The following HDAC4 variants were observed in gnomAD, a reference collection of about 807,000 sequenced individuals.
HDAC4 encodes the protein histone deacetylase A.
In HDAC4, 16 loss-of-function variants were observed where a neutral mutation model predicts 135.1. The observed-to-expected ratio is 0.12, with a 90% CI of 0.08 to 0.18. The LOEUF (loss-of-function observed/expected upper bound fraction) is 0.18. Among genes scored for constraint, HDAC4 ranks in the 10% least tolerant of loss-of-function variants. The pLI is 1.00. For synonymous variants in HDAC4, 685 were observed against 653.4 expected (o/e 1.05, Z -0.74); for missense variants, 1,143 against 1,511.8 (o/e 0.76, Z 4.05).
intron 2 of HDAC4, among the ~76,000 whole-genome samples, chr2:239,254,675 T>C (rs946230755): frequency 2.6e-5 from 4 of 152,202 alleles, no homozygotes; most frequent in African/African-American, 9.6e-5. Flanking sequence ...TGGTCCAACA[T>C]AGACCTAGTA....
intron 1 of HDAC4, among the ~76,000 whole-genome samples, chr2:239,381,928 G>GTC (rs920852144): frequency 8.5e-5 from 13 of 152,184 alleles, no homozygotes; most frequent in African/African-American, 3.1e-4. Context: ...CCAGTTCCAC[G>GTC]TCACACACAC....
In HDAC4 at chr2:239,068,371, A is replaced by G. The variant is rs2033796463; in HGVS notation, c.2869+118T>C. 15 of 755,880 alleles carry G rather than the reference A, an allele frequency of 2.0e-5. No individual in the cohort carries two copies. Among genetic ancestry groups the G allele is most frequent in the Middle Eastern group, 2.3e-4 (1 of 4,264 alleles). The allele number at this position is 755,880 out of a possible 1,614,324, so 46.8% of individuals were successfully genotyped here. On this transcript the variant is annotated intron_variant, in intron 23 of 26. Coordinates refer to ENST00000543185, the MANE Select transcript of HDAC4 (RefSeq NM_001378414.1). The surrounding 1 kb of genome is among the most constrained non-coding windows in gnomAD (Gnocchi z 4.4). The stretch of plus-strand genomic sequence containing the variant: ...TCCCAGTACGGTCAGAACCTTGGTC[A>G]TTAGTAAAAAGGTGCCCTTCCTTAT...
At chr2:239,054,376 C>T (rs12617720) in intron 25 of HDAC4, among the ~76,000 whole-genome samples, 21,933 of 152,042 alleles carry the variant, frequency 0.14, 1,744 homozygotes, top group Non-Finnish European at 0.18. Context: ...GAGGTCAGGA[C>T]GTGGGCTTCT....
intron 12 of HDAC4, among the ~76,000 whole-genome samples, chr2:239,118,716 C>G (rs961885442): frequency 6.6e-6 from 1 of 152,178 alleles, no homozygotes; most frequent in Admixed American, 6.5e-5. Context: ...GCTGTAAATA[C>G]ATGCGACTGT....
intron 6 of HDAC4, among the ~76,000 whole-genome samples, chr2:239,158,022 G>A (rs939933067): frequency 6.6e-6 from 1 of 152,212 alleles, no homozygotes; most frequent in African/African-American, 2.4e-5. Flanking sequence ...CTGTTTCCCG[G>A]GGAATTCCAC....
At position 239,121,571 on chromosome 2, in the gene HDAC4, C is replaced by T. The variant is rs556136817; in HGVS notation, c.1533+4885G>A. Among the ~76,000 whole-genome samples the T allele has an allele frequency of 5.3e-5, 8 of 152,348 alleles. No individual in the cohort carries two copies. In the South Asian group the frequency reaches 1.7e-3, roughly 32 times the overall value. ...GCATCTCTTTAGTGTCCTTTAGTGA[C>T]AACATTCCCAGGTCTTTTTCCTCCC... On this transcript the variant is annotated intron_variant, in intron 12 of 26. Transcript: ENST00000543185.
chr2:239,339,176 G>A (rs913607703), intron 2 of HDAC4, among the ~76,000 whole-genome samples: 6 of 152,270 alleles, frequency 3.9e-5, no homozygotes, highest in South Asian at 2.1e-4. Context: ...GGTGAAGGCC[G>A]GCTGCCCTGC....
chr2:239,232,082 C>T (rs990326739), intron 3 of HDAC4, among the ~76,000 whole-genome samples: 1 of 152,162 alleles, frequency 6.6e-6, no homozygotes, highest in African/African-American at 2.4e-5. Context: ...TCTCCTCAAT[C>T]GAGGCTGCTG....
intron 6 of HDAC4, among the ~76,000 whole-genome samples, chr2:239,157,095 G>A (rs890561266): frequency 1.3e-5 from 2 of 152,208 alleles, no homozygotes; most frequent in South Asian, 2.1e-4. Flanking sequence ...CAGTCAGTTC[G>A]CTACCAGGGC....
chr2:239,220,230 T>G (rs537593454), intron 3 of HDAC4, among the ~76,000 whole-genome samples: 10 of 152,318 alleles, frequency 6.6e-5, no homozygotes, highest in African/African-American at 2.4e-4. Flanking sequence ...ACGCTTCAAA[T>G]TCTAGTGAAA....
chr2:239,126,459 G>C lies in HDAC4; in HGVS notation c.1530C>G (p.Asn510Lys). The change falls in exon 12 of 27, where the codon AAC (asparagine) becomes AAG (lysine). Residue 510 changes from asparagine (N) to lysine (K), a missense_variant. Asn to Lys is a moderately conservative substitution (Grantham distance 94, BLOSUM62 0). Around this residue, in one of 9 missense-constraint regions of HDAC4, gnomAD observed 196 missense variants for 210.7 expected, o/e 0.93. Transcript: ENST00000543185. ...QQFQQQQLQM[N>K]KIIPKPSEPA... ...AGCGCTGAGCCGGCAAACCCACCTT[G>C]TTCATCTGCAGTTGCTGCTGCTGGA... 1.9e-6 allele frequency: 3 copies of C among 1,613,816 alleles called. No homozygotes were observed. The highest frequency in any genetic ancestry group is 1.7e-6 in the Non-Finnish European group (2 of 1,180,006).
rs10204440 is a variant in HDAC4 at position 239,134,177 on chromosome 2, A to G, written c.1294+68T>C. On this transcript the variant is annotated intron_variant, in intron 11 of 26. Transcript: ENST00000543185. Reference sequence around the variant, plus strand: ...TCCTGTCTCCTCCAAAGGCAGGCGAAGGCGGGGCACCATCCAGAGCGTGGG... The same window carrying G: ...TCCTGTCTCCTCCAAAGGCAGGCGAGGGCGGGGCACCATCCAGAGCGTGGG... 0.026 allele frequency: 33,998 copies of G among 1,313,780 alleles called. 5,851 individuals are homozygous for G. In the African/African-American group the frequency reaches 0.4, roughly 15 times the overall value. 81.4% of individuals were successfully genotyped at this position (1,313,780 alleles called of 1,614,324 possible). A position where few individuals can be genotyped will look rare whatever the true frequency, so the allele number is the denominator to read the frequency against.
Position 239,115,987 on chromosome 2 carries a change from G to T in HDAC4, c.1534-677C>A, listed in dbSNP as rs2039099069. On this transcript the variant is annotated intron_variant, in intron 12 of 26. Transcript: ENST00000543185. This position sits in a 1 kb window ranked among gnomAD's most constrained non-coding sequence, Gnocchi z 6.3. Reference sequence around the variant, plus strand: ...GACCTGCCCCGCTATGGGGCCCCAAGAACCGCAACATCCTCCCTCCTGTGG... The same window carrying T: ...GACCTGCCCCGCTATGGGGCCCCAATAACCGCAACATCCTCCCTCCTGTGG... Among the ~76,000 whole-genome samples, 1 of 152,096 alleles carries T rather than the reference G, an allele frequency of 6.6e-6. No individual in the cohort carries two copies.
chr2:239,105,692 C>T (rs372556122), intron 15 of HDAC4, among the ~76,000 whole-genome samples: 38 of 152,314 alleles, frequency 2.5e-4, no homozygotes, highest in South Asian at 2.1e-3. Flanking sequence ...GCCCTGCCCT[C>T]GGGCCTGGGC....
At chr2:239,398,242 C>T (rs913029050) in intron 1 of HDAC4, among the ~76,000 whole-genome samples, 1 of 152,204 alleles carries the variant, frequency 6.6e-6, no homozygotes, top group Non-Finnish European at 1.5e-5. Flanking sequence ...AAAGCCCAGC[C>T]GTTTTCAATA....
intron 2 of HDAC4, among the ~76,000 whole-genome samples, chr2:239,322,840 G>T (rs139564737): frequency 1.0e-3 from 152 of 152,262 alleles, no homozygotes; most frequent in Admixed American, 2.0e-3. Context: ...ACCAATGTCT[G>T]CCCCAGCACC....
chr2:239,367,103 C>T (rs897209076), intron 1 of HDAC4, among the ~76,000 whole-genome samples: 1 of 152,140 alleles, frequency 6.6e-6, no homozygotes, highest in Non-Finnish European at 1.5e-5. Context: ...CACAGAAACC[C>T]GTTTCTAAAA....
chr2:239,151,123 T>A (rs1196006016), intron 7 of HDAC4, among the ~76,000 whole-genome samples: 3 of 152,234 alleles, frequency 2.0e-5, no homozygotes, highest in African/African-American at 7.2e-5. Context: ...GAAAACACAC[T>A]CTGTCCTATT....
intron 2 of HDAC4, among the ~76,000 whole-genome samples, chr2:239,318,240 G>A (rs889964250): frequency 1.3e-5 from 2 of 152,238 alleles, no homozygotes; most frequent in African/African-American, 4.8e-5. Context: ...TTCACTGAGA[G>A]CTTCCGGGCA....
Sources: allele counts gnomAD v4.1 joint callset (sites outside exome capture counted in the v4.1 genomes callset), GRCh38; gene constraint gnomAD v4.1.1; regional missense constraint gnomAD v4.1.1; non-coding constraint Gnocchi (gnomAD v3.1); transcripts MANE v1.5; gene names NCBI Gene and HGNC (gene_info 2026-07-23, HGNC 2026-07-21).